SNTG1: variants seen among roughly 807,000 people sequenced by gnomAD.
SNTG1 encodes syntrophin gamma 1, also known as gamma-1-syntrophin.
SNTG1 carries 39 observed loss-of-function variants against 74.7 expected under a neutral mutation model. That is an observed-to-expected ratio of 0.52 (90% CI 0.40 to 0.68). The LOEUF is 0.68. Ranked by LOEUF, SNTG1 falls within the 30% of genes least tolerant of loss-of-function variation. SNTG1 has a pLI of 0.00. For missense variants in SNTG1, 685 were observed against 609.5 expected (o/e 1.12, Z -1.30); for synonymous variants, 254 against 217.1 (o/e 1.17, Z -1.49).
intron 2 of SNTG1, among the ~76,000 whole-genome samples, chr8:50,331,715 GAGA>G: frequency 6.6e-6 from 1 of 152,292 alleles, no homozygotes; most frequent in South Asian, 2.1e-4. Flanking sequence ...TGCTGGTATA[GAGA>G]AGGATACTGA....
chr8:50,410,238 G>A (rs1009169030), intron 4 of SNTG1, among the ~76,000 whole-genome samples: 1 of 152,078 alleles, frequency 6.6e-6, no homozygotes, highest in African/African-American at 2.4e-5. Context: ...TTCTTAATAG[G>A]TCATCTGGGA....
chr8:50,206,589 A>T (rs1340022113), intron 2 of SNTG1, among the ~76,000 whole-genome samples: 1 of 152,098 alleles, frequency 6.6e-6, no homozygotes, highest in Non-Finnish European at 1.5e-5. Flanking sequence ...CCTGGCCAGA[A>T]CTTCCAACAC....
At chr8:50,013,372 T>C (rs1033315457) in intron 1 of SNTG1, among the ~76,000 whole-genome samples, 2 of 152,080 alleles carry the variant, frequency 1.3e-5, no homozygotes, top group Non-Finnish European at 2.9e-5. Context: ...CTGTGAAAGA[T>C]TTGCTTGACA....
At chr8:50,420,840 C>T (rs543112871) in intron 4 of SNTG1, among the ~76,000 whole-genome samples, 3 of 151,934 alleles carry the variant, frequency 2.0e-5, no homozygotes, top group South Asian at 4.2e-4. Context: ...TCTTGGCCAA[C>T]ATGGTGAAAC....
chr8:49,965,651 A>G (rs1464256618), intron 1 of SNTG1, among the ~76,000 whole-genome samples: 2 of 152,008 alleles, frequency 1.3e-5, no homozygotes, highest in Non-Finnish European at 1.5e-5. Flanking sequence ...GATTGCTCCA[A>G]CCTCTCTAGC....
chr8:50,491,282 A>G (rs1454006519), intron 8 of SNTG1: 1 of 152,336 alleles, frequency 6.6e-6, no homozygotes, highest in African/African-American at 2.4e-5. Context: ...TACCTTAGAA[A>G]GAATGACATA....
chr8:50,493,823 A>G (rs565874523), intron 8 of SNTG1, among the ~76,000 whole-genome samples: 6 of 151,536 alleles, frequency 4.0e-5, no homozygotes, highest in Admixed American at 3.9e-4. Context: ...CTGAAAAAAA[A>G]CAAAAATAAT....
chr8:50,595,856 G>A (rs1001708064), intron 13 of SNTG1, among the ~76,000 whole-genome samples: 2 of 151,738 alleles, frequency 1.3e-5, no homozygotes, highest in Admixed American at 1.3e-4. Flanking sequence ...ACTACCATTT[G>A]TGTATTGTGT....
At chr8:50,687,624 C>T (rs144274615) in intron 15 of SNTG1, among the ~76,000 whole-genome samples, 9 of 152,222 alleles carry the variant, frequency 5.9e-5, no homozygotes, top group African/African-American at 1.4e-4. Context: ...ACAACGTGCA[C>T]GTTTGTTACA....
chr8:49,996,115 T>C (rs1191174258), intron 1 of SNTG1, among the ~76,000 whole-genome samples: 2 of 152,126 alleles, frequency 1.3e-5, no homozygotes, highest in African/African-American at 4.8e-5. Context: ...TTTTGGTTTG[T>C]CTTTTTTATT....
chr8:50,168,565 GTA>G (rs559931993), intron 1 of SNTG1, among the ~76,000 whole-genome samples: 7 of 151,734 alleles, frequency 4.6e-5, no homozygotes, highest in Non-Finnish European at 1.0e-4. Context: ...ATATGCATGT[GTA>G]TATATATATG....
chr8:50,667,768 T>C (rs549101092), intron 15 of SNTG1, among the ~76,000 whole-genome samples: 56 of 152,160 alleles, frequency 3.7e-4, no homozygotes, highest in African/African-American at 1.3e-3. Context: ...TTTAAAGTAA[T>C]TTTTCTTAAA....
intron 13 of SNTG1, among the ~76,000 whole-genome samples, chr8:50,609,407 G>A (rs1490873047): frequency 6.6e-6 from 1 of 152,040 alleles, no homozygotes; most frequent in African/African-American, 2.4e-5. Flanking sequence ...AAAGTTAGCT[G>A]TTACACATAT....
intron 2 of SNTG1, among the ~76,000 whole-genome samples, chr8:50,258,208 G>A (rs1182402094): frequency 4.6e-5 from 7 of 152,186 alleles, no homozygotes; most frequent in Non-Finnish European, 5.9e-5. Context: ...TAGATGATCC[G>A]AAAGCAGTTT....
chr8:50,725,767 T>G (rs1460507939), intron 17 of SNTG1, among the ~76,000 whole-genome samples: 1 of 152,210 alleles, frequency 6.6e-6, no homozygotes, highest in Non-Finnish European at 1.5e-5. Flanking sequence ...CATATCCAGA[T>G]GCACTTAGTT....
chr8:50,420,867 A>G (rs149278579), intron 4 of SNTG1, among the ~76,000 whole-genome samples: 5 of 152,056 alleles, frequency 3.3e-5, no homozygotes, highest in Non-Finnish European at 7.4e-5. Context: ...TCTACTAAAA[A>G]TACAAAAATT....
chr8:50,502,130 A>AT (rs1241492297), intron 8 of SNTG1, among the ~76,000 whole-genome samples: 8 of 152,200 alleles, frequency 5.3e-5, no homozygotes, highest in Admixed American at 1.3e-4. Context: ...GTTATTGATA[A>AT]TAACAGACTT....
At chr8:50,769,716 T>C (rs1585748237) in intron 18 of SNTG1, among the ~76,000 whole-genome samples, 1 of 152,022 alleles carries the variant, frequency 6.6e-6, no homozygotes, top group East Asian at 1.9e-4. Context: ...TGGCCATAGG[T>C]ATCAAGATAT....
At position 49,935,405 on chromosome 8, in the gene SNTG1, T is replaced by TC. The variant is rs1462576395; in HGVS notation, c.-103+23174_-103+23175insC. Among the ~76,000 whole-genome samples the TC allele has an allele frequency of 1.1e-4, 17 of 149,322 alleles. 1 individual carries two copies. In the East Asian group the frequency reaches 2.7e-3, roughly 24 times the overall value. On this transcript the variant is annotated intron_variant, in intron 1 of 18. Transcript: ENST00000642720. ...AGCCATTAATTCCTTTTTTTTTTTT[T>TC]TTTGGTGTCAAGCACAGGCCTTCAA...
Sources: allele counts gnomAD v4.1 joint callset (sites outside exome capture counted in the v4.1 genomes callset), GRCh38; gene constraint gnomAD v4.1.1; transcripts MANE v1.5; gene names NCBI Gene and HGNC (gene_info 2026-07-23, HGNC 2026-07-21).